MRPL48: variants seen among roughly 807,000 people sequenced by gnomAD.
MRPL48 encodes the protein mitochondrial ribosomal protein L48, also known as large ribosomal subunit protein mL48.
MRPL48 carries 16 observed loss-of-function variants against 32.9 expected under a neutral mutation model. That is an observed-to-expected ratio of 0.49 (90% CI 0.33 to 0.74). The LOEUF (loss-of-function observed/expected upper bound fraction) is 0.74, where lower values mean the gene tolerates loss of function less well. Among genes scored for constraint, MRPL48 ranks in the 30% least tolerant of loss-of-function variants. The pLI, the probability that MRPL48 is intolerant of heterozygous loss-of-function variation, is 0.02. For missense variants in MRPL48, 206 were observed against 245.3 expected (o/e 0.84, Z 1.07); for synonymous variants, 94 against 89.2 (o/e 1.05, Z -0.31).
At chr11:73,795,129 T>C (rs1947232536) in intron 1 of MRPL48, among the ~76,000 whole-genome samples, 1 of 152,044 alleles carries the variant, frequency 6.6e-6, no homozygotes. Flanking sequence ...TTGCCCAGGC[T>C]GGTTTTGAAC....
intron 3 of MRPL48, among the ~76,000 whole-genome samples, chr11:73,820,818 C>T (rs1947766457): frequency 6.6e-6 from 1 of 152,024 alleles, no homozygotes; most frequent in Admixed American, 6.6e-5. Flanking sequence ...AGCTACTTCC[C>T]CCCCACTATC....
intron 5 of MRPL48, chr11:73,850,620 A>G: frequency 3.2e-6 from 1 of 316,418 alleles, no homozygotes; most frequent in Non-Finnish European, 6.1e-6. Flanking sequence ...AAGTTGTCCA[A>G]ATTATTTTCT....
At chr11:73,861,358 GTTTT>G (rs139908562) in intron 6 of MRPL48, among the ~76,000 whole-genome samples, 1 of 150,714 alleles carries the variant, frequency 6.6e-6, no homozygotes, top group South Asian at 2.1e-4. Flanking sequence ...GAGCTAGTTT[GTTTT>G]TTTTTGTTTG....
At chr11:73,801,153 C>G (rs1018868134) in intron 1 of MRPL48, among the ~76,000 whole-genome samples, 2 of 152,122 alleles carry the variant, frequency 1.3e-5, no homozygotes, top group Non-Finnish European at 2.9e-5. Flanking sequence ...ATAATTAAAA[C>G]CTTGGTTATT....
rs953569905 is a variant in MRPL48, at chr11:73,787,904, G to A, written c.-68G>A. 4 of 1,584,056 alleles carry A rather than the reference G, an allele frequency of 2.5e-6. No individual in the cohort carries two copies. The highest frequency in any genetic ancestry group is 4.6e-5 in the East Asian group (2 of 43,324). The stretch of plus-strand genomic sequence containing the variant: ...GGCCGTTCCTTCAGTGTTTTCAGAC[G>A]CCCTGGGAACGCGGCTGCAGGGTCC... On this transcript the variant is annotated 5_prime_UTR_variant, in exon 1 of 8. Coordinates refer to ENST00000310614, the MANE Select transcript of MRPL48 (RefSeq NM_016055.6).
At chr11:73,799,706 G>A (rs1008456363) in intron 1 of MRPL48, among the ~76,000 whole-genome samples, 21 of 152,086 alleles carry the variant, frequency 1.4e-4, no homozygotes, top group African/African-American at 3.9e-4. Context: ...TAATGGTTAC[G>A]CTAAAAACCC....
At chr11:73,796,059 T>C (rs972521157) in intron 1 of MRPL48, among the ~76,000 whole-genome samples, 3 of 152,242 alleles carry the variant, frequency 2.0e-5, no homozygotes, top group Admixed American at 6.5e-5. Context: ...CTGCCATCAC[T>C]CTGGCTGCAG....
chr11:73,846,979 T>C (rs1948304008), intron 5 of MRPL48, among the ~76,000 whole-genome samples: 1 of 151,500 alleles, frequency 6.6e-6, no homozygotes, highest in Non-Finnish European at 1.5e-5. Flanking sequence ...TTTTCTTTTT[T>C]TTTTTTTGTC....
At chr11:73,845,161 T>A in intron 5 of MRPL48, 185 bp downstream of exon 5, 1 of 521,400 alleles carries the variant, frequency 1.9e-6, no homozygotes, top group Non-Finnish European at 3.1e-6. Context: ...TGCCCTGGTG[T>A]AGTCAGTCTT....
At chr11:73,832,808 A>C (rs2135027247) in intron 4 of MRPL48, 1 of 152,128 alleles carries the variant, frequency 6.6e-6, no homozygotes, top group Non-Finnish European at 1.5e-5. Context: ...TCATGTTTTC[A>C]CTCATTTATT....
intron 2 of MRPL48, among the ~76,000 whole-genome samples, chr11:73,807,448 C>T (rs1466107513): frequency 5.9e-5 from 9 of 151,278 alleles, no homozygotes; most frequent in African/African-American, 2.2e-4. Context: ...TCTATTATCC[C>T]ATCTTAATCA....
At chr11:73,798,178 A>C (rs959235027) in intron 1 of MRPL48, among the ~76,000 whole-genome samples, 2 of 152,088 alleles carry the variant, frequency 1.3e-5, no homozygotes, top group African/African-American at 4.8e-5. Context: ...CCTGGGTTCA[A>C]GTGATTCTCC....
intron 4 of MRPL48, among the ~76,000 whole-genome samples, chr11:73,828,572 CAGAGGGAGCTGTTAAACCAACAG>C: frequency 6.6e-6 from 1 of 152,200 alleles, no homozygotes; most frequent in South Asian, 2.1e-4. Flanking sequence ...GGTTCATTCT[CAGAGGGAGCTGTTAAACCAACAG>C]AGATAAGACA....
intron 2 of MRPL48, 21 bp from the exon 3 acceptor site, chr11:73,808,292 A>T (rs368594846): frequency 1.9e-6 from 3 of 1,595,342 alleles, no homozygotes; most frequent in Non-Finnish European, 2.6e-6. Flanking sequence ...TGTATTGAAC[A>T]TACTTTCTCC....
chr11:73,811,445 G>T (rs1590947876), intron 3 of MRPL48, among the ~76,000 whole-genome samples: 1 of 151,558 alleles, frequency 6.6e-6, no homozygotes, highest in Admixed American at 6.6e-5. Flanking sequence ...TGAAGGAGAG[G>T]TTTTTTTAAA....
At chr11:73,794,949 C>T (rs11823201) in intron 1 of MRPL48, among the ~76,000 whole-genome samples, 2,310 of 144,868 alleles carry the variant, frequency 0.016, 63 homozygotes, top group African/African-American at 0.056. Flanking sequence ...CTTGCTCCGT[C>T]GCCCAGGCTG....
intron 5 of MRPL48, chr11:73,850,676 C>T (rs539431132): frequency 1.2e-3 from 278 of 233,928 alleles, no homozygotes; most frequent in Middle Eastern, 3.1e-3. Context: ...CTGGGCTATA[C>T]AATTTTTTTT....
Position 73,864,454 on chromosome 11 carries a change from G to A in MRPL48, c.*84G>A, listed in dbSNP as rs1051090. 0.056 allele frequency: 76,472 copies of A among 1,355,648 alleles called. 2,367 individuals carry two copies. The highest frequency in any genetic ancestry group is 0.082 in the Middle Eastern group (454 of 5,560). The allele number at this position is 1,355,648 out of a possible 1,614,324, so 84.0% of individuals were successfully genotyped here. A position where few individuals can be genotyped will look rare whatever the true frequency, so the allele number is the denominator to read the frequency against. ...ACTGGGTAGTTAGAGTTCATCAGGA[G>A]ACCCAACCCTTAGATTTCATAAGTA... On this transcript the variant is annotated 3_prime_UTR_variant, in exon 8 of 8. Transcript: ENST00000310614.
At chr11:73,860,491 A>G (rs1452870721) in intron 6 of MRPL48, 1 of 152,294 alleles carries the variant, frequency 6.6e-6, no homozygotes, top group Non-Finnish European at 1.5e-5. Flanking sequence ...AAAATCTTTC[A>G]GATTCATCCA....
Sources: allele counts gnomAD v4.1 joint callset (sites outside exome capture counted in the v4.1 genomes callset), GRCh38; gene constraint gnomAD v4.1.1; transcripts MANE v1.5; gene names NCBI Gene and HGNC (gene_info 2026-07-23, HGNC 2026-07-21).